Variants in CHRM3 observed in about 807,000 individuals in gnomAD.
The protein encoded by CHRM3 is muscarinic acetylcholine receptor M3.
In CHRM3, 11 loss-of-function variants were observed where a neutral mutation model predicts 41.8. That is an observed-to-expected ratio of 0.26 (90% confidence interval 0.17 to 0.44). The LOEUF is 0.44. CHRM3 is among the 20% of genes least tolerant of loss of function. CHRM3 has a pLI of 1.00. For synonymous variants in CHRM3, 297 were observed against 301.4 expected (o/e 0.99, Z 0.15); for missense variants, 571 against 745.4 (o/e 0.77, Z 2.72).
At chr1:239,854,574 T>C (rs1318991946) in intron 6 of CHRM3, among the ~76,000 whole-genome samples, 2 of 152,052 alleles carry the variant, frequency 1.3e-5, no homozygotes, top group Non-Finnish European at 2.9e-5. Flanking sequence ...TAATAAATGC[T>C]ACCCAGAAAA....
chr1:239,600,295 C>T (rs1292913904), intron 3 of CHRM3, among the ~76,000 whole-genome samples: 2 of 152,008 alleles, frequency 1.3e-5, no homozygotes, highest in Non-Finnish European at 2.9e-5. Flanking sequence ...ATTCTCTGCC[C>T]TCTTTCATCC....
intron 1 of CHRM3, among the ~76,000 whole-genome samples, chr1:239,430,422 G>A (rs1271826977): frequency 6.6e-6 from 1 of 151,994 alleles, no homozygotes; most frequent in East Asian, 1.9e-4. Context: ...TCACCGATAT[G>A]CATCTGTGTA....
rs16838888 is a variant in CHRM3 at position 239,752,611 on chromosome 1, T to C, written c.-147+74323T>C. Among the ~76,000 whole-genome samples, 1,457 of 152,274 alleles carry C rather than the reference T, an allele frequency of 9.6e-3. 42 individuals are homozygous for C. The highest frequency in any genetic ancestry group is 0.09 in the East Asian group (465 of 5,178). ...ATTGAAAAATTATAGGATACAAAAA[T>C]AGAGGATAAGTACCATGTGGATTTA... is the stretch of plus-strand genomic sequence containing the variant. On this transcript the variant is annotated intron_variant, in intron 5 of 6. Coordinates refer to ENST00000676153, the MANE Select transcript of CHRM3 (RefSeq NM_001375978.1).
chr1:239,414,485 C>T (rs368822691), intron 1 of CHRM3, among the ~76,000 whole-genome samples: 2 of 152,322 alleles, frequency 1.3e-5, no homozygotes, highest in South Asian at 2.1e-4. Flanking sequence ...AATTTGTCTG[C>T]GCTGTGTGAC....
At chr1:239,681,355 G>A (rs922604387) in intron 5 of CHRM3, among the ~76,000 whole-genome samples, 4 of 152,090 alleles carry the variant, frequency 2.6e-5, no homozygotes, top group African/African-American at 9.7e-5. Flanking sequence ...ATTTTAATTG[G>A]GATTTATAAA....
At chr1:239,437,546 A>T (rs909423996) in intron 1 of CHRM3, among the ~76,000 whole-genome samples, 5 of 151,602 alleles carry the variant, frequency 3.3e-5, no homozygotes, top group South Asian at 2.1e-4. Context: ...TTTTATTTTT[A>T]TTTTTTTTGA....
chr1:239,863,160 A>G (rs1675776841), intron 6 of CHRM3, among the ~76,000 whole-genome samples: 1 of 152,192 alleles, frequency 6.6e-6, no homozygotes. Context: ...CCTAATGGGT[A>G]ACTCATATTG....
intron 1 of CHRM3, among the ~76,000 whole-genome samples, chr1:239,427,810 G>C (rs973703933): frequency 3.3e-5 from 5 of 152,040 alleles, no homozygotes; most frequent in African/African-American, 1.2e-4. Flanking sequence ...TTAGATGAGG[G>C]AGTGGTTTTG....
chr1:239,894,964 T>A (rs1222444963), intron 6 of CHRM3, among the ~76,000 whole-genome samples: 1 of 152,170 alleles, frequency 6.6e-6, no homozygotes, highest in Admixed American at 6.5e-5. Flanking sequence ...GTGCCTTCAG[T>A]ATATGGCAAG....
At chr1:239,712,282 T>G (rs936898162) in intron 5 of CHRM3, among the ~76,000 whole-genome samples, 8 of 152,216 alleles carry the variant, frequency 5.3e-5, no homozygotes, top group African/African-American at 1.9e-4. Flanking sequence ...TGGTTGTGAT[T>G]GGAATGACTT....
intron 5 of CHRM3, among the ~76,000 whole-genome samples, chr1:239,719,282 C>G (rs1175136979): frequency 6.6e-6 from 1 of 151,886 alleles, no homozygotes; most frequent in Non-Finnish European, 1.5e-5. Flanking sequence ...GAATTAGTCC[C>G]CTGCTCTTGG....
chr1:239,752,359 T>C (rs1438129497), intron 5 of CHRM3, among the ~76,000 whole-genome samples: 1 of 152,202 alleles, frequency 6.6e-6, no homozygotes, highest in Non-Finnish European at 1.5e-5. Flanking sequence ...AGGATTTTTT[T>C]CTTGAGTCCT....
At chr1:239,761,397 A>G (rs1572209193) in intron 5 of CHRM3, among the ~76,000 whole-genome samples, 2 of 151,760 alleles carry the variant, frequency 1.3e-5, no homozygotes, top group Non-Finnish European at 2.9e-5. Flanking sequence ...TTTTCTCTTT[A>G]TGTGTTGCAT....
At chr1:239,716,502 T>TA (rs1662381106) in intron 5 of CHRM3, among the ~76,000 whole-genome samples, 1 of 152,102 alleles carries the variant, frequency 6.6e-6, no homozygotes, top group Admixed American at 6.6e-5. Context: ...ATTAAGACTT[T>TA]AAGCCATGTA....
At chr1:239,859,932 G>C (rs1675498900) in intron 6 of CHRM3, among the ~76,000 whole-genome samples, 1 of 150,822 alleles carries the variant, frequency 6.6e-6, no homozygotes, top group Non-Finnish European at 1.5e-5. Context: ...AAACCAAAGA[G>C]AACAAGCATG....
chr1:239,570,325 C>A (rs932987566), intron 3 of CHRM3, among the ~76,000 whole-genome samples: 1 of 152,142 alleles, frequency 6.6e-6, no homozygotes, highest in Non-Finnish European at 1.5e-5. Context: ...GAGGTCTCCC[C>A]AGCCATGTGG....
chr1:239,634,161 G>C (rs1196335960), intron 4 of CHRM3, among the ~76,000 whole-genome samples: 1 of 152,138 alleles, frequency 6.6e-6, no homozygotes, highest in Non-Finnish European at 1.5e-5. Context: ...CTGACAGCCT[G>C]GTTCCAGGAG....
rs149448124 is a variant in CHRM3, at chr1:239,814,239, T to G, written c.-146-13013T>G. ...CTCTTTGTTTCTCTCTCTCAGTATT[T>G]TAAATTCATGCGCATTACCTAGGTT... On this transcript the variant is annotated intron_variant, in intron 5 of 6. Coordinates refer to ENST00000676153, the MANE Select transcript of CHRM3 (RefSeq NM_001375978.1). Among the ~76,000 whole-genome samples the G allele has an allele frequency of 6.5e-3, 996 of 152,224 alleles. 9 individuals are homozygous for G. Among genetic ancestry groups the G allele is most frequent in the African/African-American group, 0.023 (935 of 41,536 alleles).
chr1:239,565,004 G>A (rs538737213), intron 3 of CHRM3, among the ~76,000 whole-genome samples: 31 of 152,174 alleles, frequency 2.0e-4, no homozygotes, highest in Admixed American at 1.3e-3. Context: ...GCCTCTTCCC[G>A]CTTCTGGTGG....
Sources: gnomAD v4.1 joint callset for allele counts (sites outside exome capture counted in the v4.1 genomes callset) on GRCh38, gnomAD v4.1.1 for gene constraint, MANE v1.5 for transcripts, NCBI Gene and HGNC (gene_info 2026-07-23, HGNC 2026-07-21) for gene names.